The following MYO18A variants were observed in gnomAD, a reference collection of about 807,000 sequenced individuals.
The protein encoded by MYO18A is myosin XVIIIA.
MYO18A carries 78 observed loss-of-function variants against 235.8 expected under a neutral mutation model. That is an observed-to-expected ratio of 0.33 (90% CI 0.28 to 0.40). The LOEUF is 0.40. Among genes scored for constraint, MYO18A ranks in the 10% least tolerant of loss-of-function variants. The pLI, the probability that MYO18A is intolerant of heterozygous loss-of-function variation, is 1.00. For synonymous variants in MYO18A, 977 were observed against 1,077.8 expected (o/e 0.91, Z 1.83); for missense variants, 2,215 against 2,699.3 (o/e 0.82, Z 3.98).
chr17:29,163,539 C>T (rs1195803015), intron 2 of MYO18A, among the ~76,000 whole-genome samples: 1 of 152,202 alleles, frequency 6.6e-6, no homozygotes, highest in Non-Finnish European at 1.5e-5. Context: ...TGGGCTTACC[C>T]CATAGGAGCT....
intron 2 of MYO18A, among the ~76,000 whole-genome samples, chr17:29,154,101 A>AT (rs1488625733): frequency 1.3e-5 from 2 of 150,288 alleles, no homozygotes; most frequent in African/African-American, 4.9e-5. Flanking sequence ...AATTCTGCAG[A>AT]GTGTGTGTGT....
intron 2 of MYO18A, among the ~76,000 whole-genome samples, chr17:29,122,813 T>C (rs1469009925): frequency 1.3e-5 from 2 of 152,210 alleles, no homozygotes; most frequent in African/African-American, 4.8e-5. Flanking sequence ...AGCCCTGGCC[T>C]CAGCCCTGGC....
intron 21 of MYO18A, among the ~76,000 whole-genome samples, chr17:29,101,946 C>A (rs1380538891): frequency 3.3e-5 from 5 of 152,196 alleles, no homozygotes; most frequent in Admixed American, 3.3e-4. Flanking sequence ...TGAGCCCCCC[C>A]AGAGTCCTTA....
At chr17:29,092,650 C>T (rs904357319) in intron 33 of MYO18A, among the ~76,000 whole-genome samples, 194 bp from the exon 34 acceptor site, 2 of 152,128 alleles carry the variant, frequency 1.3e-5, no homozygotes, top group Non-Finnish European at 2.9e-5. Context: ...CACCAGGCCC[C>T]ATCCACACCA....
intron 28 of MYO18A, among the ~76,000 whole-genome samples, 168 bp from the exon 29 acceptor site, chr17:29,095,227 G>A (rs186097673): frequency 1.3e-5 from 2 of 152,328 alleles, no homozygotes; most frequent in African/African-American, 2.4e-5. Context: ...GAGGTGGCAG[G>A]TCAGGCCACT....
chr17:29,143,647 G>A (rs1027839172), intron 2 of MYO18A, among the ~76,000 whole-genome samples: 1 of 152,108 alleles, frequency 6.6e-6, no homozygotes, highest in African/African-American at 2.4e-5. Flanking sequence ...CTTTTTAAGG[G>A]ATAAAAGATT....
At chr17:29,103,416 G>C (rs973748032) in intron 21 of MYO18A, among the ~76,000 whole-genome samples, 183 bp downstream of exon 21, 7 of 152,220 alleles carry the variant, frequency 4.6e-5, no homozygotes, top group African/African-American at 1.7e-4. Context: ...CTAGCTCCCT[G>C]GCCCCTGGCC....
At chr17:29,114,580 G>T (rs550953999) in intron 14 of MYO18A, among the ~76,000 whole-genome samples, 1 of 152,196 alleles carries the variant, frequency 6.6e-6, no homozygotes, top group Admixed American at 6.5e-5. Context: ...GAAGGGAGAC[G>T]GGAAGGCCAG....
rs1598339694 is a variant in MYO18A, at chr17:29,121,408, A to G, written c.1371+139T>C. 6.4e-6 allele frequency: 7 copies of G among 1,086,404 alleles called. No individual in the cohort carries two copies. In the Middle Eastern group the frequency reaches 9.2e-4, roughly 143 times the overall value. 67.3% of individuals were successfully genotyped at this position (1,086,404 alleles called of 1,614,324 possible). On this transcript the variant is annotated intron_variant, in intron 5 of 41. Transcript: ENST00000527372. The surrounding 1 kb of genome is among the most constrained non-coding windows in gnomAD (Gnocchi z 4.2). Reference sequence around the variant, plus strand: ...AGGTTGTGGGGAGGTCCTGTCCCCCATCTCTTGAAATGACTCCTCTTCCCA... The same window carrying G: ...AGGTTGTGGGGAGGTCCTGTCCCCCGTCTCTTGAAATGACTCCTCTTCCCA...
intron 2 of MYO18A, among the ~76,000 whole-genome samples, chr17:29,154,121 T>TGTGTGTGTGTGTGTGCGCGCGC (rs142430455): frequency 3.0e-4 from 45 of 149,104 alleles, no homozygotes; most frequent in East Asian, 2.0e-3. Context: ...TGTGTGTGTG[T>TGTGTGTGTGTGTGTGCGCGCGC]GCGCGCGCGT....
At chr17:29,154,593 C>A (rs901001944) in intron 2 of MYO18A, among the ~76,000 whole-genome samples, 1 of 152,180 alleles carries the variant, frequency 6.6e-6, no homozygotes, top group Non-Finnish European at 1.5e-5. Context: ...TTCCCTCTTG[C>A]CTCTGTTGAT....
chr17:29,076,110 T>C (rs943027664), intron 41 of MYO18A: 1 of 155,204 alleles, frequency 6.4e-6, no homozygotes, highest in African/African-American at 2.4e-5. Context: ...AGGGCAAGAT[T>C]TGGTCACTGA....
intron 2 of MYO18A, chr17:29,133,684 C>T (rs541287178): frequency 1.9e-5 from 14 of 727,380 alleles, no homozygotes; most frequent in Non-Finnish European, 2.9e-5. Context: ...TACACACATG[C>T]CCCAATCCAT....
intron 2 of MYO18A, chr17:29,131,382 C>T (rs1434169468): frequency 4.1e-6 from 4 of 985,884 alleles, no homozygotes; most frequent in Non-Finnish European, 3.6e-6. Flanking sequence ...GATGCACTTA[C>T]AGCCCCTTCC....
In MYO18A at chr17:29,098,667, G is replaced by A. The variant is rs186987757; in HGVS notation, c.3780+159C>T. 3.0e-3 allele frequency among the ~76,000 whole-genome samples: 461 copies of A among 152,282 alleles called. 1 individual carries two copies. Among genetic ancestry groups the A allele is most frequent in the Middle Eastern group, 6.8e-3 (2 of 294 alleles). On this transcript the variant is annotated intron_variant, in intron 23 of 41. Transcript: ENST00000527372. ...AGATTTTATCGTAAGAGGCTGTCCA[G>A]GGGCTCAGCCAGCACCCCAGAGGGA...
chr17:29,142,876 C>T (rs1031831811), intron 2 of MYO18A, among the ~76,000 whole-genome samples: 3 of 152,240 alleles, frequency 2.0e-5, no homozygotes, highest in Non-Finnish European at 4.4e-5. Flanking sequence ...GGCTCCATCT[C>T]GGCTCACTGC....
In MYO18A at chr17:29,103,351, T is replaced by G. The variant is rs569594681; in HGVS notation, c.3507+248A>C. On this transcript the variant is annotated intron_variant, in intron 21 of 41. Coordinates refer to ENST00000527372, the MANE Select transcript of MYO18A (RefSeq NM_078471.4). ...TCCTGACATCACAGAGGTGTTCCAC[T>G]GAACAAGCCAGTTATCCAGAATGAA... Among the ~76,000 whole-genome samples, 20 of 152,358 alleles carry G rather than the reference T, an allele frequency of 1.3e-4. No homozygotes were observed. The South Asian group carries it at 4.1e-3, about 32-fold the overall frequency.
At chr17:29,124,632 A>G (rs1370077478) in intron 2 of MYO18A, 1 of 1,276,652 alleles carries the variant, frequency 7.8e-7, no homozygotes. Context: ...AGGGCTCCTG[A>G]GTGGGGGGAG....
At position 29,125,569 on chromosome 17, in the gene MYO18A, C is replaced by T. The variant is rs190775351; in HGVS notation, c.1000-3316G>A. The stretch of plus-strand genomic sequence containing the variant: ...TAGAGAGCCAGGTCACCAAAAATAG[C>T]GACAGCAACCTTCCTTACCACCCGC... On this transcript the variant is annotated intron_variant, in intron 2 of 41. Transcript: ENST00000527372. This position sits in a 1 kb window ranked among gnomAD's most constrained non-coding sequence, Gnocchi z 5.1. Among the ~76,000 whole-genome samples, 22 of 152,346 alleles carry T rather than the reference C, an allele frequency of 1.4e-4. No homozygotes were observed. Among genetic ancestry groups the T allele is most frequent in the Non-Finnish European group, 7.3e-5 (5 of 68,040 alleles).
Sources: gnomAD v4.1 joint callset for allele counts (sites outside exome capture counted in the v4.1 genomes callset) on GRCh38, gnomAD v4.1.1 for gene constraint, Gnocchi (gnomAD v3.1) non-coding constraint, MANE v1.5 for transcripts, NCBI Gene and HGNC (gene_info 2026-07-23, HGNC 2026-07-21) for gene names.